RCAN2: variants seen among roughly 807,000 people sequenced by gnomAD.
RCAN2 encodes calcipressin-2.
RCAN2 carries 9 observed loss-of-function variants against 23.6 expected under a neutral mutation model. The observed-to-expected ratio is 0.38, with a 90% CI of 0.23 to 0.67. The LOEUF is 0.67. Among genes scored for constraint, RCAN2 ranks in the 30% least tolerant of loss-of-function variants. The pLI is 0.51. For synonymous variants in RCAN2, 109 were observed against 115.7 expected, an observed-to-expected ratio of 0.94 and a Z score of 0.37; for missense variants, 273 against 302.3, an observed-to-expected ratio of 0.90 and a Z score of 0.72.
At chr6:46,227,214 T>C (rs1765702037) in intron 4 of RCAN2, among the ~76,000 whole-genome samples, 2 of 152,214 alleles carry the variant, frequency 1.3e-5, no homozygotes, top group African/African-American at 4.8e-5. Flanking sequence ...GATTTTTGCA[T>C]TGATGTTCAT....
intron 2 of RCAN2, among the ~76,000 whole-genome samples, chr6:46,412,739 A>G (rs1489230601): frequency 6.6e-6 from 1 of 152,198 alleles, no homozygotes; most frequent in Non-Finnish European, 1.5e-5. Flanking sequence ...GATTGCTTTG[A>G]TGAGAGCTGT....
chr6:46,342,557 AAAAG>A (rs1275175172), intron 2 of RCAN2, among the ~76,000 whole-genome samples: 3 of 66,834 alleles, frequency 4.5e-5, no homozygotes, highest in Non-Finnish European at 8.7e-5. Context: ...GTCTCTTAAA[AAAAG>A]AAAGAAAGAA....
At chr6:46,452,622 G>A (rs930073839) in intron 2 of RCAN2, among the ~76,000 whole-genome samples, 1 of 152,078 alleles carries the variant, frequency 6.6e-6, no homozygotes, top group Admixed American at 6.6e-5. Context: ...CAGCCAGTAG[G>A]GTCCAGGGAA....
At chr6:46,352,077 A>T (rs1764664215) in intron 2 of RCAN2, among the ~76,000 whole-genome samples, 1 of 152,234 alleles carries the variant, frequency 6.6e-6, no homozygotes, top group African/African-American at 2.4e-5. Flanking sequence ...ATAAGCCATG[A>T]ACATAAGAGT....
At chr6:46,262,588 TTAAATAAA>T (rs10526400) in intron 2 of RCAN2, among the ~76,000 whole-genome samples, 1 of 146,586 alleles carries the variant, frequency 6.8e-6, no homozygotes, top group African/African-American at 2.5e-5. Flanking sequence ...AGCCTCTGTC[TTAAATAAA>T]TAAATAAATA....
chr6:46,374,900 A>G (rs185285173), intron 2 of RCAN2, among the ~76,000 whole-genome samples: 53 of 142,984 alleles, frequency 3.7e-4, no homozygotes, highest in African/African-American at 1.3e-3. Context: ...TTATTTATTT[A>G]TTTGTTTATG....
upstream of RCAN2, among the ~76,000 whole-genome samples, chr6:46,491,639 A>C (rs1769158280): frequency 1.3e-5 from 2 of 150,282 alleles, no homozygotes; most frequent in Non-Finnish European, 3.0e-5. Context: ...CGGGGCTCTC[A>C]CCCTGCCCTC....
intron 2 of RCAN2, among the ~76,000 whole-genome samples, chr6:46,332,607 A>G (rs1205107366): frequency 2.6e-5 from 4 of 151,914 alleles, no homozygotes; most frequent in Admixed American, 1.3e-4. Context: ...ATGATTTCCA[A>G]TTTCATCCAT....
chr6:46,280,408 T>C (rs1767866418), intron 2 of RCAN2, among the ~76,000 whole-genome samples: 1 of 151,898 alleles, frequency 6.6e-6, no homozygotes, highest in Non-Finnish European at 1.5e-5. Context: ...TGTCAACCCT[T>C]AACGGTTAAA....
intron 2 of RCAN2, among the ~76,000 whole-genome samples, chr6:46,383,667 A>G (rs1765668176): frequency 6.6e-6 from 1 of 152,200 alleles, no homozygotes; most frequent in South Asian, 2.1e-4. Context: ...CCATTTAAAA[A>G]TTTAGTTTCT....
At chr6:46,337,724 A>G (rs1163941148) in intron 2 of RCAN2, among the ~76,000 whole-genome samples, 1 of 152,144 alleles carries the variant, frequency 6.6e-6, no homozygotes, top group Non-Finnish European at 1.5e-5. Context: ...GGCTCAGTGA[A>G]GTTATCGCAA....
chr6:46,312,961 A>G (rs1379038393), intron 2 of RCAN2, among the ~76,000 whole-genome samples: 2 of 152,184 alleles, frequency 1.3e-5, no homozygotes, highest in Non-Finnish European at 2.9e-5. Context: ...CATGCTTCCC[A>G]TGACCCAATC....
chr6:46,285,122 A>T (rs1038311578), intron 2 of RCAN2, among the ~76,000 whole-genome samples: 1 of 152,242 alleles, frequency 6.6e-6, no homozygotes, highest in African/African-American at 2.4e-5. Flanking sequence ...ACACCTAGAA[A>T]TGCACACACA....
chr6:46,376,547 G>C (rs1283455437), intron 2 of RCAN2, among the ~76,000 whole-genome samples: 3 of 152,164 alleles, frequency 2.0e-5, no homozygotes, highest in Admixed American at 2.0e-4. Context: ...AGGTGTGGTG[G>C]TGTGCACCTA....
At chr6:46,235,710 A>G (rs1035876184) in intron 4 of RCAN2, among the ~76,000 whole-genome samples, 1 of 152,228 alleles carries the variant, frequency 6.6e-6, no homozygotes, top group South Asian at 2.1e-4. Context: ...ATTTGTAATC[A>G]GTCACCAAGC....
chr6:46,407,243 T>C (rs1766429804), intron 2 of RCAN2, among the ~76,000 whole-genome samples: 2 of 152,190 alleles, frequency 1.3e-5, no homozygotes, highest in African/African-American at 4.8e-5. Context: ...TCAGGACCTT[T>C]GGTAGAGCTA....
chr6:46,441,298 A>T (rs1767537321), intron 2 of RCAN2, among the ~76,000 whole-genome samples: 1 of 152,224 alleles, frequency 6.6e-6, no homozygotes, highest in Admixed American at 6.5e-5. Flanking sequence ...AGATGAAATA[A>T]CTACTACATT....
At chr6:46,400,257 G>A (rs994589677) in intron 2 of RCAN2, among the ~76,000 whole-genome samples, 1 of 152,128 alleles carries the variant, frequency 6.6e-6, no homozygotes, top group Admixed American at 6.5e-5. Context: ...AGCCTTCTGG[G>A]TCCAGGCTTC....
At chr6:46,314,448 A>G (rs1763366491) in intron 2 of RCAN2, among the ~76,000 whole-genome samples, 1 of 151,722 alleles carries the variant, frequency 6.6e-6, no homozygotes, top group South Asian at 2.1e-4. Flanking sequence ...CAGCCAGAGT[A>G]GGTGTGTAGG....
Sources: gnomAD v4.1 joint callset for allele counts (sites outside exome capture counted in the v4.1 genomes callset) on GRCh38, gnomAD v4.1.1 for gene constraint, MANE v1.5 for transcripts, NCBI Gene and HGNC (gene_info 2026-07-23, HGNC 2026-07-21) for gene names.